LAMB1: variants seen among roughly 807,000 people sequenced by gnomAD.
LAMB1 encodes laminin subunit beta-1.
LAMB1 carries 121 observed loss-of-function variants against 222.3 expected under a neutral mutation model. That is an observed-to-expected ratio of 0.54 (90% CI 0.47 to 0.63). LAMB1 has a LOEUF of 0.63. Among genes scored for constraint, LAMB1 ranks in the 30% least tolerant of loss-of-function variants. The probability of loss-of-function intolerance (pLI) is 0.00; values close to 1 mark genes in which losing one functional copy is unlikely to be tolerated. For missense variants in LAMB1, 2,172 were observed against 2,240.8 expected, an observed-to-expected ratio of 0.97 and a Z score of 0.62; for synonymous variants, 794 against 807.2, an observed-to-expected ratio of 0.98 and a Z score of 0.28.
At chr7:107,964,287 G>A (rs2033578661) in intron 14 of LAMB1, among the ~76,000 whole-genome samples, 1 of 152,166 alleles carries the variant, frequency 6.6e-6, no homozygotes, top group South Asian at 2.1e-4. Context: ...AGCATAAGTA[G>A]AGAGAAGAAA....
At chr7:107,983,114 TA>T (rs1237411259) in intron 7 of LAMB1, among the ~76,000 whole-genome samples, 3 of 152,208 alleles carry the variant, frequency 2.0e-5, no homozygotes, top group Non-Finnish European at 4.4e-5. Flanking sequence ...TGGACACATC[TA>T]TTAAATATTT....
chr7:107,926,470 A>T, intron 31 of LAMB1, 111 bp from the exon 32 acceptor site: 1 of 764,898 alleles, frequency 1.3e-6, no homozygotes, highest in African/African-American at 1.8e-5. Context: ...GCTCTAGACC[A>T]AAAGAAGTAA....
At chr7:107,930,858 G>T (rs999247921) in intron 29 of LAMB1, among the ~76,000 whole-genome samples, 1 of 152,164 alleles carries the variant, frequency 6.6e-6, no homozygotes, top group African/African-American at 2.4e-5. Flanking sequence ...TTATTAAGAT[G>T]TGAGATAATA....
At position 107,952,102 on chromosome 7, in the gene LAMB1, G is replaced by A. The variant is rs2033268005; in HGVS notation, c.3201C>T (p.Arg1067=). ...CCAGCTGCCAGGTATTGGGCGCACA[G>A]CGGTCACAGTTCTGCCCGATCACAT... ...LPNVIGQNCD[R]CAPNTWQLAS... is the part of the protein sequence containing the mutation. Residue 1067 remains arginine, a synonymous_variant, in exon 23 of 34, where the codon CGC becomes CGT. Coordinates refer to ENST00000222399, the MANE Select transcript of LAMB1 (RefSeq NM_002291.3). The A allele has an allele frequency of 6.2e-7, 1 of 1,614,148 alleles. No homozygotes were observed. The highest frequency in any genetic ancestry group is 8.5e-7 in the Non-Finnish European group (1 of 1,179,988).
rs200869896 is a variant in LAMB1, at chr7:107,925,911, AAAG to A, written c.5064+269_5064+271del. Among the ~76,000 whole-genome samples, 3,029 of 151,562 alleles carry A rather than the reference AAAG, an allele frequency of 0.02. 101 individuals are homozygous for A. The highest frequency in any genetic ancestry group is 0.07 in the African/African-American group (2,880 of 41,264). ...ATATAGTTGGTTTAAAAAAAAAAAA[AAAG>A]CCTGTTTTGAGACTTCTACCCCTAA... On this transcript the variant is annotated intron_variant, in intron 32 of 33. Transcript: ENST00000222399.
At chr7:107,991,166 A>G (rs2034173978) in intron 5 of LAMB1, among the ~76,000 whole-genome samples, 1 of 152,356 alleles carries the variant, frequency 6.6e-6, no homozygotes, top group African/African-American at 2.4e-5. Context: ...AGCAGCAGTT[A>G]TTAACTGCAA....
intron 13 of LAMB1, among the ~76,000 whole-genome samples, chr7:107,971,324 C>T (rs909030815): frequency 2.0e-5 from 3 of 152,140 alleles, no homozygotes; most frequent in Admixed American, 1.3e-4. Flanking sequence ...GTACCTACAA[C>T]GTATTTCTTT....
At chr7:107,955,297 A>G (rs2150424316) in intron 21 of LAMB1, among the ~76,000 whole-genome samples, 170 bp downstream of exon 21, 1 of 152,132 alleles carries the variant, frequency 6.6e-6, no homozygotes, top group Admixed American at 6.6e-5. Context: ...ATATGAATTG[A>G]CTCCACTCCA....
rs199635613 is a variant in LAMB1 at position 107,937,071 on chromosome 7, A to G, written c.3946+22T>C. ...ATCGTTAAATCCATTGTCTGGGACT[A>G]TTTGCACCAAAAAATGCTCACCCCG... On this transcript the variant is annotated intron_variant, in intron 26 of 33. Transcript: ENST00000222399. The G allele has an allele frequency of 1.0e-4, 160 of 1,601,048 alleles. 3 individuals carry two copies. Among genetic ancestry groups the G allele is most frequent in the Middle Eastern group, 6.6e-4 (4 of 6,030 alleles).
intron 13 of LAMB1, among the ~76,000 whole-genome samples, chr7:107,965,828 G>A (rs536083080): frequency 5.5e-4 from 83 of 152,050 alleles, no homozygotes; most frequent in African/African-American, 1.7e-3. Flanking sequence ...GGCCGGGTGC[G>A]CAGTGGCTCA....
At chr7:107,994,988 A>T in intron 4 of LAMB1, 28 bp from the exon 5 acceptor site, 1 of 1,267,792 alleles carries the variant, frequency 7.9e-7, no homozygotes, top group Non-Finnish European at 1.1e-6. Flanking sequence ...AAAATAAAAC[A>T]ATAAATGAAA....
chr7:107,940,953 A>C (rs1240399654), intron 24 of LAMB1, among the ~76,000 whole-genome samples: 5 of 152,244 alleles, frequency 3.3e-5, no homozygotes, highest in Non-Finnish European at 4.4e-5. Flanking sequence ...AAATGCAATA[A>C]ACATGATCAA....
Position 107,953,693 on chromosome 7 carries a change from C to G in LAMB1, c.2916G>C (p.Ser972=). 2 of 1,614,136 alleles carry G rather than the reference C, an allele frequency of 1.2e-6. No homozygotes were observed. Among genetic ancestry groups the G allele is most frequent in the Non-Finnish European group, 1.7e-6 (2 of 1,180,036 alleles). The part of the protein sequence containing the change: ...YFGNPSEVGG[S]CQPCQCHNNI... Reference sequence around the variant, plus strand: ...TGTTGTGACACTGGCAAGGCTGACACGACCCCCCAACTTCTGATGGATTGC... The same window carrying G: ...TGTTGTGACACTGGCAAGGCTGACAGGACCCCCCAACTTCTGATGGATTGC... Residue 972 remains serine, a synonymous_variant, in exon 22 of 34, where the codon TCG becomes TCC. Coordinates refer to ENST00000222399, the MANE Select transcript of LAMB1 (RefSeq NM_002291.3).
chr7:107,935,347 GTTTTTT>G lies in LAMB1; in HGVS notation c.4188+62_4188+67del, dbSNP rs200599445. The G allele has an allele frequency of 9.7e-4, 1,133 of 1,172,576 alleles. 1 individual carries two copies. In the African/African-American group the frequency reaches 0.023, roughly 23 times the overall value. 72.6% of individuals were successfully genotyped at this position (1,172,576 alleles called of 1,614,324 possible). On this transcript the variant is annotated intron_variant, in intron 27 of 33. Coordinates refer to ENST00000222399, the MANE Select transcript of LAMB1 (RefSeq NM_002291.3). ...GACAAAAGATGGTTTGTTTTTCTTTGTTTTTTTTTTTTTTTTTTTTTTTTTTGCTTG... is the reference window on the plus strand; with the variant it reads ...GACAAAAGATGGTTTGTTTTTCTTTGTTTTTTTTTTTTTTTTTTTTGCTTG...
intron 3 of LAMB1, among the ~76,000 whole-genome samples, chr7:107,999,459 A>G (rs1277663366): frequency 6.6e-6 from 1 of 152,218 alleles, no homozygotes; most frequent in East Asian, 1.9e-4. Context: ...TAAGGGTAAT[A>G]TTCTTATAAG....
At chr7:107,983,272 T>C (rs572103997) in intron 7 of LAMB1, among the ~76,000 whole-genome samples, 1 of 152,080 alleles carries the variant, frequency 6.6e-6, no homozygotes, top group African/African-American at 2.4e-5. Flanking sequence ...AGCTTGGAAG[T>C]TTTTTGGGGC....
At chr7:107,947,484 T>G (rs1228552366) in intron 24 of LAMB1, among the ~76,000 whole-genome samples, 1 of 152,216 alleles carries the variant, frequency 6.6e-6, no homozygotes, top group African/African-American at 2.4e-5. Context: ...GCCCATCCCT[T>G]CAGAAAGCCC....
chr7:107,924,016 C>T lies in LAMB1; in HGVS notation c.5296G>A (p.Gly1766Arg). 1 of 1,597,580 alleles carries T rather than the reference C, an allele frequency of 6.3e-7. No individual in the cohort carries two copies. The highest frequency in any genetic ancestry group is 2.2e-5 in the East Asian group (1 of 44,546). The change falls in exon 34 of 34, where the codon GGA (glycine) becomes AGA (arginine). Residue 1766 changes from glycine to arginine, a missense_variant. Coordinates refer to ENST00000222399, the MANE Select transcript of LAMB1 (RefSeq NM_002291.3). The part of the protein sequence containing the change: ...DKAQELARLE[G>R]EVRSLLKDIS... ...TCCTTTAGGAGTGAACGGACTTCTCCTTCCAGTCTTGCTAATTCTTGAGCT... is the reference window on the plus strand; with the variant it reads ...TCCTTTAGGAGTGAACGGACTTCTCTTTCCAGTCTTGCTAATTCTTGAGCT...
chr7:107,973,324 C>T (rs1221126248), intron 12 of LAMB1, among the ~76,000 whole-genome samples: 2 of 152,184 alleles, frequency 1.3e-5, no homozygotes, highest in Non-Finnish European at 2.9e-5. Flanking sequence ...TATAGATAAC[C>T]TCCATCCAAC....
Sources: allele counts gnomAD v4.1 joint callset (sites outside exome capture counted in the v4.1 genomes callset), GRCh38; gene constraint gnomAD v4.1.1; transcripts MANE v1.5; gene names NCBI Gene and HGNC (gene_info 2026-07-23, HGNC 2026-07-21).